TBC1D1: variants seen among roughly 807,000 people sequenced by gnomAD.
TBC1D1 encodes the protein TBC1 (tre-2/USP6, BUB2, cdc16) domain family, member 1.
Under a neutral mutation model 125.6 loss-of-function variants are expected in TBC1D1, and 89 were observed. That is an observed-to-expected ratio of 0.71 (90% CI 0.60 to 0.85). The LOEUF is 0.85. Ranked by LOEUF, TBC1D1 falls within the 40% of genes least tolerant of loss-of-function variation. The pLI is 0.00. For missense variants in TBC1D1, 1,377 were observed against 1,469.2 expected, an observed-to-expected ratio of 0.94 and a Z score of 1.03; for synonymous variants, 565 against 564.1, an observed-to-expected ratio of 1.00 and a Z score of -0.02.
intron 12 of TBC1D1, among the ~76,000 whole-genome samples, chr4:38,087,185 A>C (rs748353042): frequency 6.6e-6 from 1 of 152,244 alleles, no homozygotes; most frequent in Non-Finnish European, 1.5e-5. Flanking sequence ...AACATTAGGG[A>C]GACAGCTTAG....
chr4:37,979,762 C>G (rs115143395), intron 2 of TBC1D1, among the ~76,000 whole-genome samples: 2,331 of 152,302 alleles, frequency 0.015, 63 homozygotes, highest in African/African-American at 0.053. Context: ...ACATGGATAC[C>G]TGAGCACGAA....
At chr4:38,029,469 G>A (rs1289146080) in intron 7 of TBC1D1, among the ~76,000 whole-genome samples, 1 of 152,218 alleles carries the variant, frequency 6.6e-6, no homozygotes. Context: ...CCGGGTTCAA[G>A]CAATTCTCCT....
chr4:38,016,005 C>G (rs1374600348), intron 3 of TBC1D1, among the ~76,000 whole-genome samples: 1 of 152,134 alleles, frequency 6.6e-6, no homozygotes, highest in Non-Finnish European at 1.5e-5. Flanking sequence ...GAAAGCTGCT[C>G]CCTGCATTTA....
chr4:38,052,728 G>GCGCACACA (rs1491148206), intron 11 of TBC1D1, among the ~76,000 whole-genome samples: 1,339 of 118,308 alleles, frequency 0.011, 15 homozygotes, highest in African/African-American at 0.04. Flanking sequence ...GCGCGCGCGC[G>GCGCACACA]CACACACACA....
At chr4:37,972,403 C>A (rs549780615) in intron 2 of TBC1D1, among the ~76,000 whole-genome samples, 3 of 151,446 alleles carry the variant, frequency 2.0e-5, no homozygotes, top group Admixed American at 1.3e-4. Context: ...ATCACTTGAA[C>A]CCAGGAGGCG....
chr4:38,129,644 A>G (rs1348601581), intron 18 of TBC1D1, among the ~76,000 whole-genome samples: 2 of 152,192 alleles, frequency 1.3e-5, no homozygotes, highest in African/African-American at 4.8e-5. Flanking sequence ...ATCAGGGTTC[A>G]TGACTTTATT....
At chr4:37,979,657 C>T (rs1733950437) in intron 2 of TBC1D1, among the ~76,000 whole-genome samples, 1 of 152,254 alleles carries the variant, frequency 6.6e-6, no homozygotes, top group Admixed American at 6.5e-5. Context: ...CATCCAGTTA[C>T]GCAGCTGACT....
intron 11 of TBC1D1, among the ~76,000 whole-genome samples, chr4:38,052,710 ACACGCGCGCGCGCGCGCG>A (rs774243008): frequency 0.016 from 1,354 of 86,486 alleles, 27 homozygotes; most frequent in African/African-American, 0.062. Flanking sequence ...ATATACACAC[ACACGCGCGCGCGCGCGCG>A]CACACACACA....
chr4:38,042,868 T>C (rs1205104653), intron 8 of TBC1D1, among the ~76,000 whole-genome samples: 1 of 152,180 alleles, frequency 6.6e-6, no homozygotes, highest in Non-Finnish European at 1.5e-5. Flanking sequence ...CAACAAAGAA[T>C]ATATCAGTAT....
At chr4:38,085,084 A>G (rs1757245232) in intron 12 of TBC1D1, among the ~76,000 whole-genome samples, 1 of 152,218 alleles carries the variant, frequency 6.6e-6, no homozygotes, top group African/African-American at 2.4e-5. Context: ...ACAATGATGC[A>G]ATGTCATCCT....
intron 2 of TBC1D1, among the ~76,000 whole-genome samples, chr4:37,986,007 T>C (rs1735366414): frequency 6.6e-6 from 1 of 152,248 alleles, no homozygotes; most frequent in Non-Finnish European, 1.5e-5. Flanking sequence ...TCCAACTGTT[T>C]GCCTTGTTTT....
At chr4:37,997,928 A>C (rs943297601) in intron 2 of TBC1D1, among the ~76,000 whole-genome samples, 5 of 152,114 alleles carry the variant, frequency 3.3e-5, no homozygotes, top group African/African-American at 9.7e-5. Flanking sequence ...GATGTCTTTG[A>C]GAAGAGAAAA....
intron 10 of TBC1D1, among the ~76,000 whole-genome samples, chr4:38,048,008 C>G (rs966538585): frequency 1.3e-5 from 2 of 152,104 alleles, no homozygotes; most frequent in African/African-American, 2.4e-5. Context: ...TGTGAAGATT[C>G]TTTTAAAAGG....
intron 2 of TBC1D1, among the ~76,000 whole-genome samples, chr4:37,956,933 C>T (rs1005091246): frequency 2.5e-5 from 3 of 120,038 alleles, no homozygotes; most frequent in African/African-American, 3.3e-5. Context: ...AGCAAGACTC[C>T]GTCTCAAAAG....
chr4:38,054,972 C>T (rs1751425773), intron 12 of TBC1D1: 1 of 152,420 alleles, frequency 6.6e-6, no homozygotes, highest in African/African-American at 2.4e-5. Flanking sequence ...GCGTTCTTCC[C>T]TGTCCAGTCT....
At chr4:38,136,290 G>C (rs1766599520) in intron 19 of TBC1D1, among the ~76,000 whole-genome samples, 1 of 152,194 alleles carries the variant, frequency 6.6e-6, no homozygotes, top group South Asian at 2.1e-4. Context: ...GATGTAGACT[G>C]AGTGAGATCC....
intron 12 of TBC1D1, among the ~76,000 whole-genome samples, chr4:38,072,000 C>CT (rs1754784572): frequency 6.6e-6 from 1 of 152,102 alleles, no homozygotes; most frequent in Non-Finnish European, 1.5e-5. Context: ...TGGGGTTGGG[C>CT]GGGTCTGGGC....
chr4:38,137,073 C>CA, intron 19 of TBC1D1, 62 bp from the exon 22 acceptor site: 1 of 1,607,832 alleles, frequency 6.2e-7, no homozygotes. Context: ...AGCGTGTGGG[C>CA]ACTGGATCCC....
chr4:37,952,303 T>C, intron 2 of TBC1D1: 1 of 534,426 alleles, frequency 1.9e-6, no homozygotes, highest in Non-Finnish European at 3.4e-6. Context: ...TTCTGTTGAC[T>C]TGGGGAAAGG....
Sources: allele counts gnomAD v4.1 joint callset (sites outside exome capture counted in the v4.1 genomes callset), GRCh38; gene constraint gnomAD v4.1.1; transcripts MANE v1.5; gene names NCBI Gene and HGNC (gene_info 2026-07-23, HGNC 2026-07-21).